MTUS2: variants seen among roughly 807,000 people sequenced by gnomAD.
The protein encoded by MTUS2 is microtubule-associated tumor suppressor candidate 2.
Under a neutral mutation model 114.1 loss-of-function variants are expected in MTUS2, and 40 were observed. The ratio of observed to expected loss-of-function variants is 0.35; its 90% confidence interval spans 0.27 to 0.46. The LOEUF (loss-of-function observed/expected upper bound fraction) is 0.46, where lower values mean the gene tolerates loss of function less well. Among genes scored for constraint, MTUS2 ranks in the 20% least tolerant of loss-of-function variants. The probability of loss-of-function intolerance (pLI) is 1.00; values close to 1 mark genes in which losing one functional copy is unlikely to be tolerated. For synonymous variants in MTUS2, 688 were observed against 672.0 expected (o/e 1.02, Z -0.37); for missense variants, 1,679 against 1,705.4 (o/e 0.98, Z 0.27).
In MTUS2 at chr13:29,389,258, C is replaced by CAT. The variant is rs1258712264; in HGVS notation, c.3117+29786_3117+29787dup. On this transcript the variant is annotated intron_variant, in intron 8 of 15. Coordinates refer to ENST00000612955, the MANE Select transcript of MTUS2 (RefSeq NM_001033602.4). ...GTATGTGTGTATATATATGTATACA[C>CAT]ATGTGTGTATATATGTATATATGTA... is the stretch of plus-strand genomic sequence containing the variant. 3.0e-4 allele frequency among the ~76,000 whole-genome samples: 32 copies of CAT among 105,544 alleles called. 1 individual carries two copies. Among genetic ancestry groups the CAT allele is most frequent in the South Asian group, 2.8e-3 (9 of 3,190 alleles). The allele number at this position is 105,544 out of a possible 152,430, so 69.2% of individuals were successfully genotyped here.
intron 4 of MTUS2, among the ~76,000 whole-genome samples, chr13:29,086,910 A>T (rs983301883): frequency 6.6e-6 from 1 of 152,008 alleles, no homozygotes; most frequent in African/African-American, 2.4e-5. Flanking sequence ...CTTAGCTCAA[A>T]TGTTATTGGT....
chr13:28,831,346 TG>T (rs1216086892), intron 1 of MTUS2, among the ~76,000 whole-genome samples: 16 of 152,168 alleles, frequency 1.1e-4, no homozygotes, highest in Non-Finnish European at 1.9e-4. Context: ...AGGCATAGGT[TG>T]GCAGAATTAA....
intron 8 of MTUS2, among the ~76,000 whole-genome samples, chr13:29,401,258 C>G (rs1874321984): frequency 6.6e-6 from 1 of 152,302 alleles, no homozygotes; most frequent in Non-Finnish European, 1.5e-5. Context: ...CCCACCTAGG[C>G]CTCCCAAAGT....
intron 5 of MTUS2, among the ~76,000 whole-genome samples, chr13:29,204,086 A>G (rs1895080681): frequency 6.6e-6 from 1 of 151,968 alleles, no homozygotes; most frequent in Non-Finnish European, 1.5e-5. Flanking sequence ...CAGCCTCCAA[A>G]GTAGCTGGGA....
At position 29,318,949 on chromosome 13, in the gene MTUS2, C is replaced by T. The variant is rs1046926015; in HGVS notation, c.2807-5664C>T. On this transcript the variant is annotated intron_variant, in intron 6 of 15. Transcript: ENST00000612955. ...CAGTATTTCAAATTAAACTTAAGGG[C>T]TTCTCTTCTGAGACCAGACTGAGGC... is the stretch of plus-strand genomic sequence containing the variant. Among the ~76,000 whole-genome samples, 3 of 152,160 alleles carry T rather than the reference C, an allele frequency of 2.0e-5. No homozygotes were observed. In the East Asian group the frequency reaches 5.8e-4, roughly 29 times the overall value.
rs1035799044 is a variant in MTUS2, at chr13:29,449,664, G to T, written c.3184+9615G>T. On this transcript the variant is annotated intron_variant, in intron 9 of 15. Transcript: ENST00000612955. ...GCATTCGCACCCTGACCACCAAGTGGTTTTTTTTTTTCCAATTTTTAATTT... is the reference window on the plus strand; with the variant it reads ...GCATTCGCACCCTGACCACCAAGTGTTTTTTTTTTTTCCAATTTTTAATTT... Among the ~76,000 whole-genome samples the T allele has an allele frequency of 6.7e-5, 10 of 148,676 alleles. No homozygotes were observed. In the East Asian group the frequency reaches 1.2e-3, roughly 18 times the overall value.
At chr13:29,456,370 C>A (rs1376317630) in intron 9 of MTUS2, among the ~76,000 whole-genome samples, 1 of 152,092 alleles carries the variant, frequency 6.6e-6, no homozygotes, top group Non-Finnish European at 1.5e-5. Context: ...ACTATAGCAA[C>A]CAGGTCTAAC....
intron 7 of MTUS2, among the ~76,000 whole-genome samples, chr13:29,333,358 C>T (rs2309295): frequency 0.54 from 82,068 of 151,940 alleles, 25,472 homozygotes; most frequent in East Asian, 0.75. Flanking sequence ...CCACCATGCC[C>T]GGTTAATTTT....
chr13:29,479,288 C>T (rs527619080), intron 9 of MTUS2, among the ~76,000 whole-genome samples: 2 of 152,292 alleles, frequency 1.3e-5, no homozygotes, highest in Admixed American at 1.3e-4. Flanking sequence ...TCCATTTGAC[C>T]TAGATGTAGT....
intron 2 of MTUS2, among the ~76,000 whole-genome samples, chr13:28,864,030 C>T (rs1020486086): frequency 3.3e-5 from 5 of 152,162 alleles, no homozygotes; most frequent in Non-Finnish European, 7.3e-5. Context: ...ATTTTCAGTC[C>T]TCTGCCTCTG....
At chr13:29,000,091 A>G (rs1014638078) in intron 2 of MTUS2, among the ~76,000 whole-genome samples, 3 of 152,202 alleles carry the variant, frequency 2.0e-5, no homozygotes, top group Admixed American at 1.3e-4. Flanking sequence ...TTGGGAGAGT[A>G]GATATGTTTT....
chr13:29,471,750 C>CCCCT (rs879715175), intron 9 of MTUS2, among the ~76,000 whole-genome samples: 12 of 150,240 alleles, frequency 8.0e-5, no homozygotes, highest in African/African-American at 2.9e-4. Flanking sequence ...CAGCCCCCCC[C>CCCCT]GACACATTGA....
chr13:29,503,279 T>G lies in MTUS2; in HGVS notation c.*73T>G, dbSNP rs1883031878. ...CCACCCTGAGGGAGCACCGACCCGG[T>G]GCCGCCGGAGCTGGCCCTGTGCGCA... On this transcript the variant is annotated 3_prime_UTR_variant, in exon 16 of 16. Transcript: ENST00000612955. 3 of 1,552,398 alleles carry G rather than the reference T, an allele frequency of 1.9e-6. No individual in the cohort carries two copies. Among genetic ancestry groups the G allele is most frequent in the Admixed American group, 3.4e-5 (2 of 58,238 alleles).
At chr13:29,009,073 CTTCT>C (rs767759963) in intron 2 of MTUS2, among the ~76,000 whole-genome samples, 33 of 151,458 alleles carry the variant, frequency 2.2e-4, no homozygotes, top group Non-Finnish European at 3.2e-4. Flanking sequence ...ACTTTAATGC[CTTCT>C]TTGATTTTTA....
At chr13:29,238,168 C>T (rs1296631977) in intron 5 of MTUS2, among the ~76,000 whole-genome samples, 1 of 152,306 alleles carries the variant, frequency 6.6e-6, no homozygotes, top group South Asian at 2.1e-4. Flanking sequence ...ACCTAATGTC[C>T]ATTGACAGAT....
At chr13:29,426,816 C>T (rs1876572582) in intron 8 of MTUS2, among the ~76,000 whole-genome samples, 1 of 152,140 alleles carries the variant, frequency 6.6e-6, no homozygotes, top group Admixed American at 6.5e-5. Context: ...ATGCATACAC[C>T]ACATTTTGTT....
chr13:29,495,202 A>C (rs1027914866), intron 12 of MTUS2, among the ~76,000 whole-genome samples: 6 of 147,410 alleles, frequency 4.1e-5, no homozygotes, highest in African/African-American at 1.5e-4. Context: ...AAAAAAAAAA[A>C]AAAACTTAAG....
rs1419382725 is a variant in MTUS2 at position 29,208,787 on chromosome 13, TGAGA to T, written c.2645-72913_2645-72910del. ...TTTTTAGTTTTATTCCACTGTGGTC[TGAGA>T]GAGTACTTGATATAACTTCAATTTT... On this transcript the variant is annotated intron_variant, in intron 5 of 15. Coordinates refer to ENST00000612955, the MANE Select transcript of MTUS2 (RefSeq NM_001033602.4). Among the ~76,000 whole-genome samples the T allele has an allele frequency of 4.6e-5, 7 of 152,298 alleles. No homozygotes were observed. In the East Asian group the frequency reaches 1.3e-3, roughly 29 times the overall value.
In MTUS2 at chr13:29,016,754, T is replaced by C. The variant is rs147949292; in HGVS notation, c.-242-7703T>C. ...TATATTAGAATAAAATGCGATATGC[T>C]ACCCATGTTATGTACATAAGATAAA... is the stretch of plus-strand genomic sequence containing the variant. On this transcript the variant is annotated intron_variant, in intron 2 of 15. Transcript: ENST00000612955. Among the ~76,000 whole-genome samples, 1,018 of 152,340 alleles carry C rather than the reference T, an allele frequency of 6.7e-3. 11 individuals carry two copies. Among genetic ancestry groups the C allele is most frequent in the African/African-American group, 0.023 (975 of 41,588 alleles).
Sources: gnomAD v4.1 joint callset for allele counts (sites outside exome capture counted in the v4.1 genomes callset) on GRCh38, gnomAD v4.1.1 for gene constraint, MANE v1.5 for transcripts, NCBI Gene and HGNC (gene_info 2026-07-23, HGNC 2026-07-21) for gene names.